The following HNRNPH3 variants were observed in gnomAD, a reference collection of about 807,000 sequenced individuals.
HNRNPH3 encodes heterogeneous nuclear ribonucleoprotein H3, also known as heterogeneous nuclear ribonucleoprotein 2H9.
A neutral mutation model predicts 47.0 loss-of-function variants in HNRNPH3; 7 were observed. The ratio of observed to expected loss-of-function variants is 0.15; its 90% CI spans 0.08 to 0.28. The LOEUF is 0.28. Among genes scored for constraint, HNRNPH3 ranks in the 10% least tolerant of loss-of-function variants. The pLI is 1.00. For missense variants in HNRNPH3, 279 were observed against 449.6 expected (o/e 0.62, Z 3.43); for synonymous variants, 120 against 143.2 (o/e 0.84, Z 1.16).
At chr10:68,331,923 C>T (rs1181176886), upstream of HNRNPH3, 2 of 152,326 alleles carry the variant, frequency 1.3e-5, no homozygotes, top group Non-Finnish European at 2.9e-5. Context: ...AGCTGCGCAA[C>T]CCACCACCGC....
In HNRNPH3 at chr10:68,341,848, T is replaced by C. The variant is rs1299718490; in HGVS notation, c.961T>C (p.Tyr321His). ...GYGTPDGLGG[Y>H]GRGGGGSGGY... ...TGGTACTCCTGATGGTTTGGGTGGT[T>C]ATGGTAAGTATCTCTAGTTCAGTTT... The change falls in exon 9 of 10, where the codon TAT becomes CAT. Residue 321 changes from tyrosine (Y) to histidine (H), a missense_variant. This residue lies in a region of HNRNPH3 where 239 missense variants were observed against 335.8 expected (regional missense o/e 0.71). Transcript: ENST00000265866. 1 of 1,608,648 alleles carries C rather than the reference T, an allele frequency of 6.2e-7. No homozygotes were observed. The highest frequency in any genetic ancestry group is 2.2e-5 in the East Asian group (1 of 44,848).
At chr10:68,333,174 T>C (rs1288931311) in intron 1 of HNRNPH3, 1 of 151,664 alleles carries the variant, frequency 6.6e-6, no homozygotes, top group Non-Finnish European at 1.5e-5. Flanking sequence ...GGGGATGATT[T>C]TGTGAGCAGA....
intron 1 of HNRNPH3, chr10:68,336,745 A>T (rs1252710342): frequency 6.5e-6 from 1 of 153,346 alleles, no homozygotes; most frequent in Non-Finnish European, 1.5e-5. Flanking sequence ...TACTCATTGC[A>T]TTTTTTTACT....
Position 68,335,021 on chromosome 10 carries a change from T to C in HNRNPH3, c.-23-2178T>C, listed in dbSNP as rs116338614. 7.5e-3 allele frequency among the ~76,000 whole-genome samples: 1,147 copies of C among 152,228 alleles called. 20 individuals are homozygous for C. The highest frequency in any genetic ancestry group is 0.027 in the African/African-American group (1,105 of 41,552). On this transcript the variant is annotated intron_variant, in intron 1 of 9. Coordinates refer to ENST00000265866, the MANE Select transcript of HNRNPH3 (RefSeq NM_012207.3). ...TTGCATACACAGTCACCCTATAAAATAGATTAAGTGTTCCGAGTTCGGTTG... is the reference window on the plus strand; with the variant it reads ...TTGCATACACAGTCACCCTATAAAACAGATTAAGTGTTCCGAGTTCGGTTG...
Position 68,339,133 on chromosome 10 carries a change from TAC to T in HNRNPH3, c.437-3_437-2del. The T allele has an allele frequency of 6.3e-7, 1 of 1,591,728 alleles. No homozygotes were observed. The highest frequency in any genetic ancestry group is 8.6e-7 in the Non-Finnish European group (1 of 1,165,700). On this transcript the variant is annotated splice_region_variant and splice_polypyrimidine_tract_variant and intron_variant, in intron 4 of 9. Transcript: ENST00000265866. ...TGTAGTCATGTGTTTCTCCTTAAATTACACAGGTTATGGAGGTTTTGATGACT... is the reference window on the plus strand; with the variant it reads ...TGTAGTCATGTGTTTCTCCTTAAATTACAGGTTATGGAGGTTTTGATGACT...
Position 68,339,549 on chromosome 10 carries a change from T to A in HNRNPH3, c.633T>A (p.Ile211=). ...CTTTTCGTGCAACTGAAAATGACAT[T>A]GCTAATGTGAGTAATTTTTAATAAC... is the stretch of plus-strand genomic sequence containing the variant. ...GLPFRATEND[I]ANFFSPLNPI... The change falls in exon 6 of 10, where the codon ATT becomes ATA. Residue 211 remains isoleucine (I), a synonymous_variant. Transcript: ENST00000265866. 6.3e-7 allele frequency: 1 copy of A among 1,592,230 alleles called. No individual in the cohort carries two copies. Among genetic ancestry groups the A allele is most frequent in the Non-Finnish European group, 8.6e-7 (1 of 1,160,350 alleles).
At chr10:68,336,214 A>G (rs2045537375) in intron 1 of HNRNPH3, among the ~76,000 whole-genome samples, 1 of 152,202 alleles carries the variant, frequency 6.6e-6, no homozygotes, top group East Asian at 1.9e-4. Context: ...TGAAATACTC[A>G]GGTGAGTAGG....
At position 68,343,003 on chromosome 10, in the gene HNRNPH3, G is replaced by A. The variant is rs989643702; in HGVS notation, c.*949G>A. On this transcript the variant is annotated 3_prime_UTR_variant, in exon 10 of 10. Transcript: ENST00000265866. ...GTTTTGTATCTGATCCCTGCTTGGAGTTTTAGTTTAAAGAATCTATATGTA... is the reference window on the plus strand; with the variant it reads ...GTTTTGTATCTGATCCCTGCTTGGAATTTTAGTTTAAAGAATCTATATGTA... 2.0e-5 allele frequency: 3 copies of A among 152,126 alleles called. No individual in the cohort carries two copies. The highest frequency in any genetic ancestry group is 4.4e-5 in the Non-Finnish European group (3 of 68,016). The allele number at this position is 152,126 out of a possible 1,614,324, so 9.4% of individuals were successfully genotyped here.
chr10:68,333,878 A>G (rs995495659), intron 1 of HNRNPH3, among the ~76,000 whole-genome samples: 1 of 152,232 alleles, frequency 6.6e-6, no homozygotes, highest in Non-Finnish European at 1.5e-5. Context: ...TCTTACCTTG[A>G]AACAGTAGGT....
Position 68,337,147 on chromosome 10 carries a change from G to T in HNRNPH3, c.-23-52G>T. 1 of 861,954 alleles carries T rather than the reference G, an allele frequency of 1.2e-6. No homozygotes were observed. Among genetic ancestry groups the T allele is most frequent in the South Asian group, 1.5e-5 (1 of 65,468 alleles). The allele number at this position is 861,954 out of a possible 1,614,324, so 53.4% of individuals were successfully genotyped here. The stretch of plus-strand genomic sequence containing the variant: ...GAGAGGTGTTTCTTCATTACCTCTT[G>T]ACAAGAGTATATTTTGATTGACTGC... On this transcript the variant is annotated intron_variant, in intron 1 of 9. Coordinates refer to ENST00000265866, the MANE Select transcript of HNRNPH3 (RefSeq NM_012207.3). This position sits in a 1 kb window ranked among gnomAD's most constrained non-coding sequence, Gnocchi z 4.5.
chr10:68,336,323 A>C (rs1423859368), intron 1 of HNRNPH3, among the ~76,000 whole-genome samples: 1 of 152,144 alleles, frequency 6.6e-6, no homozygotes, highest in East Asian at 1.9e-4. Context: ...ATGGAATTTT[A>C]AAAGGAAGGA....
At chr10:68,331,862 C>T (rs1007717007), upstream of HNRNPH3, 3 of 152,352 alleles carry the variant, frequency 2.0e-5, no homozygotes, top group Non-Finnish European at 2.9e-5. Flanking sequence ...ACGGTGCGCG[C>T]TGCAGCTCTT....
intron 6 of HNRNPH3, 121 bp downstream of exon 6, chr10:68,339,676 A>G (rs76636639): frequency 0.12 from 73,996 of 639,264 alleles, 5,524 homozygotes; most frequent in South Asian, 0.24. Flanking sequence ...ATAAAAATAG[A>G]TCTACCTTTA....
Position 68,337,065 on chromosome 10 carries a change from G to A in HNRNPH3, c.-23-134G>A. On this transcript the variant is annotated intron_variant, in intron 1 of 9. Transcript: ENST00000265866. The surrounding 1 kb of genome is among the most constrained non-coding windows in gnomAD (Gnocchi z 4.5). Reference sequence around the variant, plus strand: ...AATATGAAAGGTGGTCTACAATTTTGTTGTGGCATTGTCACAGCAGTTGGC... The same window carrying A: ...AATATGAAAGGTGGTCTACAATTTTATTGTGGCATTGTCACAGCAGTTGGC... 1 of 506,090 alleles carries A rather than the reference G, an allele frequency of 2.0e-6. No homozygotes were observed. Among genetic ancestry groups the A allele is most frequent in the Non-Finnish European group, 3.5e-6 (1 of 283,112 alleles). The allele number at this position is 506,090 out of a possible 1,614,324, so 31.3% of individuals were successfully genotyped here.
intron 1 of HNRNPH3, among the ~76,000 whole-genome samples, chr10:68,334,970 G>C (rs942198432): frequency 6.6e-6 from 1 of 152,112 alleles, no homozygotes; most frequent in African/African-American, 2.4e-5. Flanking sequence ...GGTTGGTAGA[G>C]TGAGGCTGTT....
rs778147087 is a variant in HNRNPH3 at position 68,338,512 on chromosome 10, G to C, written c.261G>C (p.Glu87Asp). ...AAACATTTTTAAATAGGTATATTGA[G>C]ATCTTCAGAAGTAGCAGGAGTGAAA... ...HKERIGHRYI[E>D]IFRSSRSEIK... The change falls in exon 4 of 10, where the codon GAG (glutamate) becomes GAC (aspartate). Residue 87 changes from glutamate (E) to aspartate (D), a missense_variant. By Grantham distance (45) the Glu-to-Asp change is conservative. Transcript: ENST00000265866. 1.2e-6 allele frequency: 2 copies of C among 1,604,844 alleles called. No homozygotes were observed.
intron 7 of HNRNPH3, 95 bp downstream of exon 7, chr10:68,341,404 G>A (rs375538855): frequency 4.4e-6 from 6 of 1,363,234 alleles, no homozygotes; most frequent in African/African-American, 1.5e-5. Flanking sequence ...GGCAGTTGTT[G>A]GGATTTAAAA....
chr10:68,341,431 A>G (rs2045929608), intron 7 of HNRNPH3, 122 bp downstream of exon 7: 4 of 1,129,920 alleles, frequency 3.5e-6, no homozygotes, highest in Non-Finnish European at 3.9e-6. Flanking sequence ...GACCTCTATA[A>G]TGGCTTTCTG....
chr10:68,333,863 G>A (rs1055847031), intron 1 of HNRNPH3, among the ~76,000 whole-genome samples: 4 of 152,152 alleles, frequency 2.6e-5, no homozygotes, highest in Non-Finnish European at 1.5e-5. Context: ...AAAAGTTTAC[G>A]AAAATCTTAC....
Sources: allele counts gnomAD v4.1 joint callset (sites outside exome capture counted in the v4.1 genomes callset), GRCh38; gene constraint gnomAD v4.1.1; regional missense constraint gnomAD v4.1.1; non-coding constraint Gnocchi (gnomAD v3.1); transcripts MANE v1.5; gene names NCBI Gene and HGNC (gene_info 2026-07-23, HGNC 2026-07-21).